The following DENND3 variants were observed in gnomAD, a reference collection of about 807,000 sequenced individuals.
DENND3 encodes the protein DENN domain-containing protein 3.
Under a neutral mutation model 135.1 loss-of-function variants are expected in DENND3, and 88 were observed. The observed-to-expected ratio is 0.65, with a 90% CI of 0.55 to 0.78. The LOEUF is 0.78. DENND3 is among the 30% of genes least tolerant of loss of function. The pLI is 0.00. For synonymous variants in DENND3, 693 were observed against 712.3 expected (o/e 0.97, Z 0.43); for missense variants, 1,392 against 1,688.4 (o/e 0.82, Z 3.08).
intron 5 of DENND3, among the ~76,000 whole-genome samples, chr8:141,148,099 AC>A (rs374390988): frequency 6.6e-6 from 1 of 151,576 alleles, no homozygotes; most frequent in African/African-American, 2.4e-5. Context: ...GCAGGAGCCA[AC>A]CCAGCCATAT....
Position 141,151,724 on chromosome 8 carries a change from C to T in DENND3, c.961C>T (p.Gln321Ter). 1 of 1,614,240 alleles carries T rather than the reference C, an allele frequency of 6.2e-7. No individual in the cohort carries two copies. Among genetic ancestry groups the T allele is most frequent in the Non-Finnish European group, 8.5e-7 (1 of 1,180,046 alleles). Residue 321 changes from glutamine (Q) to a stop codon, truncating the protein, a stop_gained, in exon 7 of 23, where the codon CAG becomes TAG. Transcript: ENST00000519811. LOFTEE classifies it high-confidence loss of function. ...CTTCATGGCCTACCTGTATCCGCTGCAGTGGCAGCACCCCTTCGTGCCCAT... is the reference window on the plus strand; with the variant it reads ...CTTCATGGCCTACCTGTATCCGCTGTAGTGGCAGCACCCCTTCGTGCCCAT... ...ECFMAYLYPL[Q>*]WQHPFVPILS...
rs755358164 is a variant in DENND3 at position 141,151,631 on chromosome 8, A to G, written c.868A>G (p.Ile290Val). 2 of 1,613,518 alleles carry G rather than the reference A, an allele frequency of 1.2e-6. No individual in the cohort carries two copies. The highest frequency in any genetic ancestry group is 1.7e-6 in the Non-Finnish European group (2 of 1,179,948). Residue 290 changes from isoleucine to valine, a missense_variant, in exon 7 of 23, where the codon ATC becomes GTC. Coordinates refer to ENST00000519811, the MANE Select transcript of DENND3 (RefSeq NM_001352890.3). ...GTTCTCCCCTCAGATCCTGACATGC[A>G]TCCTGACGGAACAGCGGATCGTCTT... ...PEKVLQILTC[I>V]LTEQRIVFFS...
chr8:141,149,646 C>T (rs1230684648), intron 5 of DENND3, among the ~76,000 whole-genome samples: 1 of 152,258 alleles, frequency 6.6e-6, no homozygotes, highest in Admixed American at 6.5e-5. Flanking sequence ...CAATCCCACG[C>T]TCTCCCACAC....
At position 141,192,694 on chromosome 8, in the gene DENND3, C is replaced by T. The variant is rs1239242138; in HGVS notation, c.3636+31C>T. 6.8e-6 allele frequency: 11 copies of T among 1,605,998 alleles called. 1 individual carries two copies. The highest frequency in any genetic ancestry group is 5.0e-5 in the Admixed American group (3 of 59,664). Reference sequence around the variant, plus strand: ...GTGGAGGGCCCGCCATCCCCAGCATCCCCGGCAGGTCTCGCTTGCCCTGGC... The same window carrying T: ...GTGGAGGGCCCGCCATCCCCAGCATTCCCGGCAGGTCTCGCTTGCCCTGGC... On this transcript the variant is annotated intron_variant, in intron 22 of 22. Transcript: ENST00000519811.
At chr8:141,169,648 A>C (rs1039248891) in intron 13 of DENND3, among the ~76,000 whole-genome samples, 7 of 151,976 alleles carry the variant, frequency 4.6e-5, no homozygotes, top group African/African-American at 1.7e-4. Flanking sequence ...CCGAAGCTGG[A>C]GCTTTCTTTT....
intron 15 of DENND3, chr8:141,177,678 GC>G: frequency 6.0e-6 from 1 of 166,296 alleles, no homozygotes; most frequent in South Asian, 1.6e-4. Flanking sequence ...TCAAACCAAA[GC>G]CCGTGGGCCA....
intron 9 of DENND3, 74 bp downstream of exon 9, chr8:141,160,861 C>G: frequency 1.3e-6 from 2 of 1,533,458 alleles, no homozygotes; most frequent in Non-Finnish European, 1.8e-6. Context: ...GATCGTGCAC[C>G]CCGCCCCAGA....
chr8:141,141,419 G>A lies in DENND3; in HGVS notation c.623+95G>A. 1.4e-6 allele frequency: 2 copies of A among 1,444,130 alleles called. No individual in the cohort carries two copies. The highest frequency in any genetic ancestry group is 2.4e-5 in the East Asian group (1 of 41,140). The allele number at this position is 1,444,130 out of a possible 1,614,324, so 89.5% of individuals were successfully genotyped here. ...GACCAGGGGGCTGGAGGTGGTGGGG[G>A]GGCAGCTCTCTGTTCCTCTCCTGGT... On this transcript the variant is annotated intron_variant, in intron 4 of 22. Transcript: ENST00000519811. This position sits in a 1 kb window ranked among gnomAD's most constrained non-coding sequence, Gnocchi z 5.3.
At chr8:141,157,387 C>T (rs1207990575) in intron 8 of DENND3, 11 of 985,266 alleles carry the variant, frequency 1.1e-5, no homozygotes, top group Admixed American at 6.2e-5. Flanking sequence ...TCATTTTTCC[C>T]TTCAGCATTT....
chr8:141,190,514 C>T (rs958422186), intron 20 of DENND3, 97 bp downstream of exon 20: 57 of 1,428,822 alleles, frequency 4.0e-5, no homozygotes, highest in South Asian at 6.1e-5. Flanking sequence ...CTTTGCTTCA[C>T]GCCTTTCCAG....
Position 141,166,399 on chromosome 8 carries a change from GC to G in DENND3, c.1753+16del. 2.5e-6 allele frequency: 4 copies of G among 1,607,696 alleles called. No individual in the cohort carries two copies. The highest frequency in any genetic ancestry group is 2.2e-5 in the East Asian group (1 of 44,842). ...AGGGGCAGCAGCGCAGGTGAGGGCT[GC>G]CCCCCACTGTGGTGCTGTGTGTCGG... On this transcript the variant is annotated intron_variant, in intron 12 of 22. Coordinates refer to ENST00000519811, the MANE Select transcript of DENND3 (RefSeq NM_001352890.3). This position sits in a 1 kb window ranked among gnomAD's most constrained non-coding sequence, Gnocchi z 4.3.
intron 7 of DENND3, among the ~76,000 whole-genome samples, chr8:141,152,951 C>T (rs969115332): frequency 1.3e-5 from 2 of 152,048 alleles, no homozygotes; most frequent in African/African-American, 4.8e-5. Context: ...GCCCCCGACC[C>T]GGTGAGGAGG....
Position 141,145,830 on chromosome 8 carries a change from TATATATATATATATATA to T in DENND3, c.735+1572_735+1588del, listed in dbSNP as rs1569555462. 1.8e-3 allele frequency among the ~76,000 whole-genome samples: 158 copies of T among 86,880 alleles called. 3 individuals carry two copies. Among genetic ancestry groups the T allele is most frequent in the African/African-American group, 0.011 (153 of 13,842 alleles). The allele number at this position is 86,880 out of a possible 152,430, so 57.0% of individuals were successfully genotyped here. ...ATATATATATATATATATATATATA[TATATATATATATATATA>T]TATGTATTTTTTTTTTTTTGAGGCG... On this transcript the variant is annotated intron_variant, in intron 5 of 22. Transcript: ENST00000519811.
Position 141,141,055 on chromosome 8 carries a change from C to T in DENND3, c.502-148C>T, listed in dbSNP as rs1202187382. Reference sequence around the variant, plus strand: ...AAATAGGGACCCCGTAGACTTCGACCGGAGGGCCGGTGCTGGCTTGGACGC... The same window carrying T: ...AAATAGGGACCCCGTAGACTTCGACTGGAGGGCCGGTGCTGGCTTGGACGC... On this transcript the variant is annotated intron_variant, in intron 3 of 22. Coordinates refer to ENST00000519811, the MANE Select transcript of DENND3 (RefSeq NM_001352890.3). This position sits in a 1 kb window ranked among gnomAD's most constrained non-coding sequence, Gnocchi z 5.3. The T allele has an allele frequency of 2.0e-5, 25 of 1,249,704 alleles. No homozygotes were observed. The highest frequency in any genetic ancestry group is 1.8e-4 in the Admixed American group (9 of 51,132). The allele number at this position is 1,249,704 out of a possible 1,614,324, so 77.4% of individuals were successfully genotyped here.
chr8:141,157,317 G>GTCAC, intron 8 of DENND3: 2 of 985,478 alleles, frequency 2.0e-6, no homozygotes, highest in Non-Finnish European at 2.4e-6. Flanking sequence ...GGTGTTGGGT[G>GTCAC]TGCCCCAAGC....
In DENND3 at chr8:141,163,334, G is replaced by T; in HGVS notation, c.1354G>T (p.Asp452Tyr). 1 of 1,583,184 alleles carries T rather than the reference G, an allele frequency of 6.3e-7. No individual in the cohort carries two copies. Among genetic ancestry groups the T allele is most frequent in the Non-Finnish European group, 8.7e-7 (1 of 1,155,140 alleles). ...TCAGACTCTCTTTCTCTTTGTTAGG[G>T]ATGTAAAGAATCATTTAAACTATGA... ...TLQLLVSIFRDVKNHLNYEHR... is the reference protein window; with the variant it reads ...TLQLLVSIFRYVKNHLNYEHR... The change falls in exon 10 of 23, where the codon GAT (aspartate) becomes TAT (tyrosine). Residue 452 changes from aspartate to tyrosine, a missense_variant and splice_region_variant. Asp to Tyr is a radical substitution (Grantham distance 160). Coordinates refer to ENST00000519811, the MANE Select transcript of DENND3 (RefSeq NM_001352890.3).
intron 5 of DENND3, among the ~76,000 whole-genome samples, chr8:141,145,714 A>C (rs571519455): frequency 6.6e-6 from 1 of 151,322 alleles, no homozygotes; most frequent in Non-Finnish European, 1.5e-5. Flanking sequence ...TATGCAGATA[A>C]TACATGGAAA....
rs919238937 is a variant in DENND3 at position 141,167,433 on chromosome 8, C to T, written c.1754-571C>T. Among the ~76,000 whole-genome samples, 13 of 152,180 alleles carry T rather than the reference C, an allele frequency of 8.5e-5. No homozygotes were observed. On this transcript the variant is annotated intron_variant, in intron 12 of 22. Coordinates refer to ENST00000519811, the MANE Select transcript of DENND3 (RefSeq NM_001352890.3). This position sits in a 1 kb window ranked among gnomAD's most constrained non-coding sequence, Gnocchi z 4.1. ...TCCTGGGAGAAGAGGAAACCCAGCA[C>T]CCAGTTGGTGCCTAGCTCCTGGAGG...
At chr8:141,160,176 AT>A (rs754210850) in intron 8 of DENND3, among the ~76,000 whole-genome samples, 1,931 of 107,054 alleles carry the variant, frequency 0.018, 40 homozygotes, top group African/African-American at 0.054. Flanking sequence ...CCAGCGATGT[AT>A]TTTTTTTTTT....
Sources: allele counts gnomAD v4.1 joint callset (sites outside exome capture counted in the v4.1 genomes callset), GRCh38; gene constraint gnomAD v4.1.1; non-coding constraint Gnocchi (gnomAD v3.1); transcripts MANE v1.5; gene names NCBI Gene and HGNC (gene_info 2026-07-23, HGNC 2026-07-21).